BABAM2: variants seen among roughly 807,000 people sequenced by gnomAD.
BABAM2 encodes BRISC and BRCA1-A complex member 2.
A neutral mutation model predicts 54.7 loss-of-function variants in BABAM2; 31 were observed. The observed-to-expected ratio is 0.57, with a 90% CI of 0.43 to 0.77. The LOEUF (loss-of-function observed/expected upper bound fraction) is 0.77, where lower values mean the gene tolerates loss of function less well. BABAM2 is among the 30% of genes least tolerant of loss of function. The pLI, the probability that BABAM2 is intolerant of heterozygous loss-of-function variation, is 0.00. For synonymous variants in BABAM2, 167 were observed against 162.9 expected (o/e 1.03, Z -0.19); for missense variants, 364 against 455.8 (o/e 0.80, Z 1.83).
chr2:28,032,030 A>G (rs1022986208), intron 5 of BABAM2, among the ~76,000 whole-genome samples: 3 of 152,236 alleles, frequency 2.0e-5, no homozygotes, highest in Admixed American at 6.5e-5. Flanking sequence ...ATGAAACATT[A>G]TAAGAATCAA....
chr2:27,982,016 C>T (rs1672039209), intron 3 of BABAM2, among the ~76,000 whole-genome samples: 1 of 152,084 alleles, frequency 6.6e-6, no homozygotes, highest in Admixed American at 6.6e-5. Flanking sequence ...TTCATAAACA[C>T]TTATTATTAT....
intron 7 of BABAM2, among the ~76,000 whole-genome samples, chr2:28,157,567 T>A (rs557644514): frequency 2.6e-5 from 4 of 152,306 alleles, no homozygotes; most frequent in African/African-American, 9.6e-5. Flanking sequence ...CTACATATCA[T>A]CAATCAAGTT....
chr2:28,261,235 C>A lies in BABAM2; in HGVS notation c.934+16373C>A, dbSNP rs555160339. On this transcript the variant is annotated intron_variant, in intron 10 of 11. Transcript: ENST00000379624. ...GGGATTACGGGCATGAGCCACTGCA[C>A]CCAGACTAAAAATTTTCATTTTCAA... 3.9e-5 allele frequency among the ~76,000 whole-genome samples: 6 copies of A among 152,124 alleles called. No individual in the cohort carries two copies. The Middle Eastern group carries it at 0.01, about 259-fold the overall frequency.
intron 3 of BABAM2, among the ~76,000 whole-genome samples, chr2:27,945,682 C>T (rs1420768577): frequency 2.6e-5 from 4 of 152,058 alleles, no homozygotes; most frequent in Admixed American, 2.0e-4. Context: ...TTATTTAGGT[C>T]ACTTTTAATT....
chr2:27,917,878 C>T (rs1275154340), intron 2 of BABAM2, among the ~76,000 whole-genome samples: 1 of 151,856 alleles, frequency 6.6e-6, no homozygotes, highest in Non-Finnish European at 1.5e-5. Flanking sequence ...CCTGCCATAC[C>T]TGAAAAAGAA....
intron 4 of BABAM2, among the ~76,000 whole-genome samples, chr2:28,018,106 C>T (rs903939791): frequency 1.3e-5 from 2 of 152,212 alleles, no homozygotes; most frequent in African/African-American, 2.4e-5. Flanking sequence ...GCAGTGTACA[C>T]TGTGCCCAAC....
chr2:28,018,559 C>G (rs965445793), intron 4 of BABAM2, among the ~76,000 whole-genome samples: 3 of 152,134 alleles, frequency 2.0e-5, no homozygotes, highest in African/African-American at 7.2e-5. Context: ...GATCTACTTT[C>G]AGTTCTTTAA....
rs1479974345 is a variant in BABAM2, at chr2:28,168,011, A to G, written c.680+38631A>G. Among the ~76,000 whole-genome samples the G allele has an allele frequency of 2.0e-5, 3 of 152,294 alleles. No homozygotes were observed. The East Asian group carries it at 5.8e-4, about 29-fold the overall frequency. The stretch of plus-strand genomic sequence containing the variant: ...CACACAGCTAGTAAATGTCAGAGCC[A>G]AGTTCTATTTATCTGAATAAGAGAG... On this transcript the variant is annotated intron_variant, in intron 7 of 11. Coordinates refer to ENST00000379624, the MANE Select transcript of BABAM2 (RefSeq NM_199191.3).
At chr2:27,943,383 A>C (rs1198942319) in intron 3 of BABAM2, among the ~76,000 whole-genome samples, 1 of 152,214 alleles carries the variant, frequency 6.6e-6, no homozygotes, top group Non-Finnish European at 1.5e-5. Context: ...GCTGCTCTGC[A>C]AGACTGATTT....
chr2:27,984,731 G>A (rs1297281080), intron 3 of BABAM2, among the ~76,000 whole-genome samples: 1 of 151,622 alleles, frequency 6.6e-6, no homozygotes, highest in African/African-American at 2.4e-5. Context: ...TGGGGAACAG[G>A]TGGTGTTTGG....
At chr2:27,913,344 C>A (rs1470052201) in intron 2 of BABAM2, among the ~76,000 whole-genome samples, 1 of 152,130 alleles carries the variant, frequency 6.6e-6, no homozygotes, top group Non-Finnish European at 1.5e-5. Context: ...TAGCACGATT[C>A]TAGAAAGATT....
At chr2:28,272,256 A>G (rs1685483121) in intron 10 of BABAM2, among the ~76,000 whole-genome samples, 1 of 152,248 alleles carries the variant, frequency 6.6e-6, no homozygotes, top group East Asian at 1.9e-4. Context: ...TTATCCATGA[A>G]AAAGTTGTAA....
chr2:28,304,279 C>T lies in BABAM2; in HGVS notation c.1088+5788C>T, dbSNP rs1688335180. On this transcript the variant is annotated intron_variant, in intron 11 of 11. Coordinates refer to ENST00000379624, the MANE Select transcript of BABAM2 (RefSeq NM_199191.3). This position sits in a 1 kb window ranked among gnomAD's most constrained non-coding sequence, Gnocchi z 4.0. ...GCATGTTGGCCAGTCTGGTTTCAAA[C>T]TCCTGACTTCAGGTGATCCACCCGC... Among the ~76,000 whole-genome samples the T allele has an allele frequency of 6.6e-6, 1 of 151,956 alleles. No homozygotes were observed. The highest frequency in any genetic ancestry group is 1.5e-5 in the Non-Finnish European group (1 of 67,928).
At chr2:28,212,843 T>C (rs1318395454) in intron 7 of BABAM2, among the ~76,000 whole-genome samples, 1 of 39,690 alleles carries the variant, frequency 2.5e-5, no homozygotes. Flanking sequence ...CCTGAAATCA[T>C]AAAATCTTAC....
At chr2:28,160,046 A>G (rs1396607944) in intron 7 of BABAM2, among the ~76,000 whole-genome samples, 2 of 152,152 alleles carry the variant, frequency 1.3e-5, no homozygotes, top group African/African-American at 2.4e-5. Flanking sequence ...CAATGGGCCA[A>G]TCATAGCTCA....
At chr2:28,170,514 A>G (rs1674205484) in intron 7 of BABAM2, among the ~76,000 whole-genome samples, 1 of 152,138 alleles carries the variant, frequency 6.6e-6, no homozygotes, top group Admixed American at 6.5e-5. Context: ...ACCAATTGCC[A>G]TTAAAGTAAT....
At chr2:27,963,654 G>C (rs1204584237) in intron 3 of BABAM2, among the ~76,000 whole-genome samples, 1 of 152,000 alleles carries the variant, frequency 6.6e-6, no homozygotes, top group Non-Finnish European at 1.5e-5. Flanking sequence ...AGCTGACATA[G>C]CAAATCATTT....
chr2:28,001,863 C>T (rs894252869), intron 4 of BABAM2, among the ~76,000 whole-genome samples: 4 of 152,014 alleles, frequency 2.6e-5, no homozygotes, highest in African/African-American at 9.7e-5. Flanking sequence ...CAAACACCTC[C>T]CACCAGGCCC....
chr2:28,082,605 A>T (rs1389405070), intron 6 of BABAM2, among the ~76,000 whole-genome samples: 2 of 152,236 alleles, frequency 1.3e-5, no homozygotes, highest in Non-Finnish European at 2.9e-5. Flanking sequence ...AGTGCTTGGC[A>T]TGTGAATCCT....
Sources: allele counts gnomAD v4.1 joint callset (sites outside exome capture counted in the v4.1 genomes callset), GRCh38; gene constraint gnomAD v4.1.1; non-coding constraint Gnocchi (gnomAD v3.1); transcripts MANE v1.5; gene names NCBI Gene and HGNC (gene_info 2026-07-23, HGNC 2026-07-21).